The following AFF2 variants were observed in gnomAD, a reference collection of about 807,000 sequenced individuals.
The protein encoded by AFF2 is ALF transcription elongation factor 2.
In AFF2, 14 loss-of-function variants were observed where a neutral mutation model predicts 76.9. The observed-to-expected ratio is 0.18, with a 90% confidence interval of 0.12 to 0.28. The LOEUF is 0.28. AFF2 is among the 10% of genes least tolerant of loss of function. The pLI, the probability that AFF2 is intolerant of heterozygous loss-of-function variation, is 1.00. For missense variants in AFF2, 868 were observed against 1,001.1 expected, an observed-to-expected ratio of 0.87 and a Z score of 1.79; for synonymous variants, 398 against 366.7, an observed-to-expected ratio of 1.09 and a Z score of -0.98.
chrX:148,845,262 T>G (rs1431660067), intron 7 of AFF2, among the ~76,000 whole-genome samples: 2 of 112,189 alleles, frequency 1.8e-5, no homozygotes, highest in African/African-American at 6.5e-5. Flanking sequence ...AGGCTCCCAC[T>G]GTGAAATATG....
intron 1 of AFF2, among the ~76,000 whole-genome samples, chrX:148,585,840 C>CAAAA (rs1194523651): frequency 5.1e-4 from 13 of 25,328 alleles, no homozygotes; most frequent in Admixed American, 1.3e-3. Context: ...GACTGCGTCT[C>CAAAA]AAAAAAAAAA....
intron 7 of AFF2, among the ~76,000 whole-genome samples, chrX:148,878,878 G>T (rs1462201088): frequency 1.8e-5 from 2 of 112,305 alleles, no homozygotes; most frequent in Non-Finnish European, 3.8e-5. Flanking sequence ...TTTGTCATTT[G>T]CATGATAACT....
chrX:148,653,200 T>C (rs1287681625), intron 2 of AFF2, among the ~76,000 whole-genome samples: 1 of 111,945 alleles, frequency 8.9e-6, no homozygotes, highest in Non-Finnish European at 1.9e-5. Context: ...CCTAAGCTAC[T>C]GGTTTTCAAT....
chrX:148,620,352 C>T (rs1172524078), intron 1 of AFF2, among the ~76,000 whole-genome samples: 3 of 110,843 alleles, frequency 2.7e-5, no homozygotes, highest in Non-Finnish European at 5.7e-5. Flanking sequence ...TCTTCACCTT[C>T]GTACCATTGT....
intron 9 of AFF2, among the ~76,000 whole-genome samples, chrX:148,944,476 G>A (rs781855411): frequency 1.8e-5 from 2 of 110,997 alleles, no homozygotes; most frequent in African/African-American, 6.5e-5. Context: ...CCACTTGCCC[G>A]CCTTTCTTCT....
rs184976021 is a variant in AFF2 at position 148,651,319 on chromosome X, C to T, written c.48-680C>T. On this transcript the variant is annotated intron_variant, in intron 1 of 20. Transcript: ENST00000370460. ...AAGGCTTTTGACACCTCCTTTTTTT[C>T]ATCCACAGTTAGTCATTTGTTATTC... 1.5e-4 allele frequency among the ~76,000 whole-genome samples: 17 copies of T among 111,968 alleles called. No individual in the cohort carries two copies. The Admixed American group carries it at 1.6e-3, about 11-fold the overall frequency.
chrX:148,723,818 C>T (rs1457761445), intron 3 of AFF2, among the ~76,000 whole-genome samples: 3 of 111,536 alleles, frequency 2.7e-5, no homozygotes, highest in Non-Finnish European at 5.7e-5. Flanking sequence ...GAAAAAGAGG[C>T]CTTCCAGCTG....
intron 3 of AFF2, among the ~76,000 whole-genome samples, chrX:148,729,004 T>C (rs1557264457): frequency 8.9e-6 from 1 of 112,154 alleles, no homozygotes; most frequent in Non-Finnish European, 1.9e-5. Context: ...TCACTCTGCA[T>C]CTTTGCCTGT....
chrX:148,921,627 G>A (rs1426210689), intron 9 of AFF2, among the ~76,000 whole-genome samples: 3 of 112,364 alleles, frequency 2.7e-5, no homozygotes, highest in Non-Finnish European at 5.6e-5. Context: ...AAAAAAGAAT[G>A]GTCTTCCCTT....
chrX:148,920,504 TG>T (rs1187556100), intron 9 of AFF2, among the ~76,000 whole-genome samples: 2 of 111,741 alleles, frequency 1.8e-5, no homozygotes, highest in Non-Finnish European at 3.8e-5. Flanking sequence ...TCAGCCAATT[TG>T]ATGAGCTAAA....
chrX:148,518,413 G>T (rs1163420018), intron 1 of AFF2, among the ~76,000 whole-genome samples: 4 of 112,529 alleles, frequency 3.6e-5, no homozygotes, highest in African/African-American at 1.3e-4. Flanking sequence ...TTCTGCAAGA[G>T]AAGTTATCCA....
intron 7 of AFF2, among the ~76,000 whole-genome samples, chrX:148,884,949 A>G (rs1557278902): frequency 8.9e-6 from 1 of 112,001 alleles, no homozygotes; most frequent in Non-Finnish European, 1.9e-5. Context: ...AGAAAGAGCA[A>G]TATATGCATA....
intron 3 of AFF2, among the ~76,000 whole-genome samples, chrX:148,677,994 AT>A (rs782347475): frequency 2.7e-5 from 3 of 111,837 alleles, no homozygotes; most frequent in Non-Finnish European, 5.7e-5. Flanking sequence ...AATGTACAAT[AT>A]TTTTGCACTC....
chrX:148,888,035 C>T (rs540442876), intron 8 of AFF2, among the ~76,000 whole-genome samples: 53 of 111,729 alleles, frequency 4.7e-4, no homozygotes, highest in African/African-American at 1.5e-3. Flanking sequence ...TTTTTTATTG[C>T]GGCAAAATTC....
chrX:148,514,475 A>G (rs2052514992), intron 1 of AFF2, among the ~76,000 whole-genome samples: 1 of 112,613 alleles, frequency 8.9e-6, no homozygotes, highest in African/African-American at 3.2e-5. Context: ...TTTCCTGAAC[A>G]TAGTTCTGAT....
intron 1 of AFF2, among the ~76,000 whole-genome samples, chrX:148,501,430 TG>T (rs1267110358): frequency 2.7e-5 from 3 of 112,796 alleles, no homozygotes; most frequent in Admixed American, 9.2e-5. Context: ...GCCCGAGGGC[TG>T]AACCGCACGA....
intron 1 of AFF2, among the ~76,000 whole-genome samples, chrX:148,536,047 C>T (rs1371779479): frequency 9.1e-6 from 1 of 110,245 alleles, no homozygotes; most frequent in Non-Finnish European, 1.9e-5. Flanking sequence ...GGTGAAACCC[C>T]GTATCTACTA....
In AFF2 at chrX:148,905,236, G is replaced by A. The variant is rs782720343; in HGVS notation, c.1397+978G>A. 1.7e-4 allele frequency among the ~76,000 whole-genome samples: 19 copies of A among 112,223 alleles called. No individual in the cohort carries two copies. The East Asian group carries it at 4.8e-3, about 28-fold the overall frequency. On this transcript the variant is annotated intron_variant, in intron 9 of 20. Transcript: ENST00000370460. ...TACCATTAAATCCAAGCCCTAGTAC[G>A]TTTTTCCAAAAGGTGTTGTGTACTT... is the stretch of plus-strand genomic sequence containing the variant.
At chrX:148,630,171 G>A (rs1198447442) in intron 1 of AFF2, among the ~76,000 whole-genome samples, 1 of 110,842 alleles carries the variant, frequency 9.0e-6, no homozygotes, top group Non-Finnish European at 1.9e-5. Flanking sequence ...TGTATTTTCC[G>A]TAGAGACCTG....
Sources: gnomAD v4.1 joint callset for allele counts (sites outside exome capture counted in the v4.1 genomes callset) on GRCh38, gnomAD v4.1.1 for gene constraint, MANE v1.5 for transcripts, NCBI Gene and HGNC (gene_info 2026-07-23, HGNC 2026-07-21) for gene names.